The following ATRNL1 variants were observed in gnomAD, a reference collection of about 807,000 sequenced individuals.
The protein encoded by ATRNL1 is attractin-like protein 1.
A neutral mutation model predicts 182.7 loss-of-function variants in ATRNL1; 95 were observed. The ratio of observed to expected loss-of-function variants is 0.52; its 90% CI spans 0.44 to 0.62. The LOEUF is 0.62. Ranked by LOEUF, ATRNL1 falls within the 20% of genes least tolerant of loss-of-function variation. The probability of loss-of-function intolerance (pLI) is 0.00; values close to 1 mark genes in which losing one functional copy is unlikely to be tolerated. For synonymous variants in ATRNL1, 576 were observed against 568.3 expected, an observed-to-expected ratio of 1.01 and a Z score of -0.19; for missense variants, 1,471 against 1,679.5, an observed-to-expected ratio of 0.88 and a Z score of 2.17.
At chr10:115,639,658 A>G (rs538686942) in intron 26 of ATRNL1, among the ~76,000 whole-genome samples, 1 of 152,264 alleles carries the variant, frequency 6.6e-6, no homozygotes, top group African/African-American at 2.4e-5. Context: ...GTAGCAGTAC[A>G]CAGAGCAACC....
intron 25 of ATRNL1, among the ~76,000 whole-genome samples, chr10:115,536,464 A>G (rs1284339512): frequency 6.6e-6 from 1 of 152,110 alleles, no homozygotes; most frequent in Non-Finnish European, 1.5e-5. Context: ...GCCCGTCGGA[A>G]ATGCGCAGTA....
At chr10:115,107,337 AG>A (rs1159139645) in intron 1 of ATRNL1, among the ~76,000 whole-genome samples, 2 of 152,256 alleles carry the variant, frequency 1.3e-5, no homozygotes, top group South Asian at 2.1e-4. Context: ...AAAGAAAAAA[AG>A]GGGTAACAGG....
chr10:115,286,041 T>C (rs538779805), intron 14 of ATRNL1, among the ~76,000 whole-genome samples, 175 bp from the exon 15 acceptor site: 31 of 152,200 alleles, frequency 2.0e-4, no homozygotes, highest in African/African-American at 7.5e-4. Context: ...AAAGTTGGGA[T>C]GTTCTGCTTT....
chr10:115,323,113 T>C (rs1854669300), intron 18 of ATRNL1, among the ~76,000 whole-genome samples: 2 of 152,104 alleles, frequency 1.3e-5, no homozygotes, highest in Admixed American at 1.3e-4. Context: ...GTGTTTCTAT[T>C]ATTCATGTGA....
intron 28 of ATRNL1, among the ~76,000 whole-genome samples, chr10:115,848,800 C>A (rs1016691448): frequency 9.8e-4 from 149 of 152,100 alleles, no homozygotes; most frequent in Admixed American, 9.6e-3. Context: ...TCTATCCAAC[C>A]ACTACTGGAA....
chr10:115,509,977 CCTCATAGATGA>C (rs1850306765), intron 24 of ATRNL1, among the ~76,000 whole-genome samples: 1 of 151,790 alleles, frequency 6.6e-6, no homozygotes, highest in Non-Finnish European at 1.5e-5. Context: ...TGATTCCCAC[CCTCATAGATGA>C]CTTTGAGGGG....
At chr10:115,733,974 G>A (rs1408105012) in intron 27 of ATRNL1, among the ~76,000 whole-genome samples, 1 of 151,812 alleles carries the variant, frequency 6.6e-6, no homozygotes, top group African/African-American at 2.4e-5. Context: ...ACAAAATTGA[G>A]AGCATATTTT....
At chr10:115,639,988 C>T (rs1859134659) in intron 26 of ATRNL1, among the ~76,000 whole-genome samples, 2 of 151,950 alleles carry the variant, frequency 1.3e-5, no homozygotes, top group Non-Finnish European at 2.9e-5. Context: ...TACACCCCGA[C>T]CTGCCCAGTG....
chr10:115,531,705 T>C (rs1408288951), intron 25 of ATRNL1, among the ~76,000 whole-genome samples: 6 of 151,390 alleles, frequency 4.0e-5, no homozygotes, highest in African/African-American at 1.2e-4. Context: ...TCCTTGCCCA[T>C]GCCTATGTCC....
At chr10:115,811,472 G>C (rs1950045310) in intron 27 of ATRNL1, among the ~76,000 whole-genome samples, 1 of 151,958 alleles carries the variant, frequency 6.6e-6, no homozygotes, top group South Asian at 2.1e-4. Flanking sequence ...TTGTCAGTTA[G>C]ATTAGTTTCA....
intron 26 of ATRNL1, among the ~76,000 whole-genome samples, chr10:115,555,490 G>A (rs1184365017): frequency 6.6e-6 from 1 of 151,306 alleles, no homozygotes; most frequent in East Asian, 1.9e-4. Context: ...TCTTACAGTG[G>A]GATATTAGGT....
In ATRNL1 at chr10:115,281,372, C is replaced by T. The variant is rs1554916738; in HGVS notation, c.2118C>T (p.Thr706=). The T allele has an allele frequency of 1.2e-6, 2 of 1,612,000 alleles. No homozygotes were observed. Reference sequence around the variant, plus strand: ...TTTTGTAGTCTGTCAAGAACTACACCAAATGTCATGTGAGAAATGAGCAGA... The same window carrying T: ...TTTTGTAGTCTGTCAAGAACTACACTAAATGTCATGTGAGAAATGAGCAGA... The part of the protein sequence containing the change: ...SNCSMSVKNY[T]KCHVRNEQIC... The change falls in exon 14 of 29, where the codon ACC becomes ACT. Residue 706 remains threonine, a synonymous_variant. Transcript: ENST00000355044.
At chr10:115,411,534 A>G (rs1845141632) in intron 20 of ATRNL1, among the ~76,000 whole-genome samples, 1 of 151,846 alleles carries the variant, frequency 6.6e-6, no homozygotes, top group African/African-American at 2.4e-5. Flanking sequence ...GAGTATGATT[A>G]TCTCTTTGCT....
chr10:115,210,628 G>GT (rs369067071), intron 8 of ATRNL1, among the ~76,000 whole-genome samples: 97 of 151,772 alleles, frequency 6.4e-4, no homozygotes, highest in African/African-American at 2.1e-3. Flanking sequence ...TTTGTTTTCT[G>GT]TTTTTTTCCT....
chr10:115,326,147 C>A (rs1284168463), intron 18 of ATRNL1, among the ~76,000 whole-genome samples: 4 of 152,048 alleles, frequency 2.6e-5, no homozygotes, highest in African/African-American at 9.7e-5. Flanking sequence ...TCAAATTGTC[C>A]CTGTTTGCAG....
chr10:115,725,959 C>A (rs2047005778), intron 26 of ATRNL1, among the ~76,000 whole-genome samples: 1 of 151,940 alleles, frequency 6.6e-6, no homozygotes, highest in Non-Finnish European at 1.5e-5. Context: ...TTTGTTACTT[C>A]AAAAAAATGT....
chr10:115,106,524 C>T (rs1282492869), intron 1 of ATRNL1, among the ~76,000 whole-genome samples: 1 of 152,092 alleles, frequency 6.6e-6, no homozygotes, highest in Non-Finnish European at 1.5e-5. Context: ...CCATTCAAGC[C>T]TCAGTTTGAA....
intron 28 of ATRNL1, among the ~76,000 whole-genome samples, chr10:115,851,242 A>C (rs1951048344): frequency 6.6e-6 from 1 of 152,206 alleles, no homozygotes. Context: ...CTGCAAAGGC[A>C]GAAGCATCCT....
At chr10:115,693,952 T>C (rs1946472953) in intron 26 of ATRNL1, among the ~76,000 whole-genome samples, 1 of 152,100 alleles carries the variant, frequency 6.6e-6, no homozygotes, top group South Asian at 2.1e-4. Flanking sequence ...AGAAGCCTAC[T>C]GGCTTTTAAT....
Sources: allele counts gnomAD v4.1 joint callset (sites outside exome capture counted in the v4.1 genomes callset), GRCh38; gene constraint gnomAD v4.1.1; transcripts MANE v1.5; gene names NCBI Gene and HGNC (gene_info 2026-07-23, HGNC 2026-07-21).